The following OXSR1 variants were observed in gnomAD, a reference collection of about 807,000 sequenced individuals.
The protein encoded by OXSR1 is oxidative stress responsive kinase 1.
A neutral mutation model predicts 79.8 loss-of-function variants in OXSR1; 24 were observed. The observed-to-expected ratio is 0.30, with a 90% confidence interval of 0.22 to 0.42. The LOEUF (loss-of-function observed/expected upper bound fraction) is 0.42, where lower values mean the gene tolerates loss of function less well. Ranked by LOEUF, OXSR1 falls within the 10% of genes least tolerant of loss-of-function variation. The probability of loss-of-function intolerance (pLI) is 1.00; values close to 1 mark genes in which losing one functional copy is unlikely to be tolerated. For missense variants in OXSR1, 430 were observed against 618.4 expected (o/e 0.70, Z 3.23); for synonymous variants, 226 against 209.2 (o/e 1.08, Z -0.69).
chr3:38,180,944 A>T (rs765109633), intron 1 of OXSR1, among the ~76,000 whole-genome samples: 1 of 151,988 alleles, frequency 6.6e-6, no homozygotes, highest in African/African-American at 2.4e-5. Flanking sequence ...ACAATTTAGG[A>T]TAATCTTCCC....
intron 2 of OXSR1, among the ~76,000 whole-genome samples, chr3:38,185,026 C>A (rs542589339): frequency 3.5e-5 from 5 of 143,310 alleles, no homozygotes; most frequent in Non-Finnish European, 6.0e-5. Context: ...TCACTCTGAC[C>A]TCCGCCTCCC....
At chr3:38,223,963 T>G in intron 7 of OXSR1, 50 bp downstream of exon 7, 1 of 1,103,188 alleles carries the variant, frequency 9.1e-7, no homozygotes, top group Non-Finnish European at 1.3e-6. Context: ...CAATTCCTTT[T>G]CAGAGCCATT....
chr3:38,200,083 C>T (rs140743542), intron 4 of OXSR1, among the ~76,000 whole-genome samples: 54 of 152,242 alleles, frequency 3.5e-4, no homozygotes, highest in Non-Finnish European at 4.4e-4. Flanking sequence ...GTGGGCCTAC[C>T]GGCTGTACTG....
intron 1 of OXSR1, among the ~76,000 whole-genome samples, chr3:38,170,938 G>A (rs961081229): frequency 2.6e-4 from 40 of 152,150 alleles, no homozygotes; most frequent in South Asian, 4.2e-4. Context: ...CACCATGCCC[G>A]CCTCATTGTT....
At chr3:38,172,924 G>A (rs1701609693) in intron 1 of OXSR1, among the ~76,000 whole-genome samples, 1 of 152,168 alleles carries the variant, frequency 6.6e-6, no homozygotes, top group Non-Finnish European at 1.5e-5. Flanking sequence ...TTTTTCATGC[G>A]ACCACACTTA....
chr3:38,242,911 GT>G (rs1703064390), intron 12 of OXSR1, 133 bp downstream of exon 12: 1 of 458,654 alleles, frequency 2.2e-6, no homozygotes, highest in African/African-American at 2.0e-5. Context: ...AATTTTAAAA[GT>G]TGGCGTAAGG....
chr3:38,185,307 A>G (rs1701863583), intron 2 of OXSR1, among the ~76,000 whole-genome samples: 1 of 152,218 alleles, frequency 6.6e-6, no homozygotes, highest in Admixed American at 6.5e-5. Context: ...GCACAGGGCC[A>G]GGCACAGTGG....
chr3:38,202,550 C>G (rs1336895169), intron 4 of OXSR1, among the ~76,000 whole-genome samples: 2 of 151,550 alleles, frequency 1.3e-5, no homozygotes, highest in South Asian at 4.2e-4. Context: ...TGGTTGTGGG[C>G]GAAAGATTAC....
At position 38,170,937 on chromosome 3, in the gene OXSR1, C is replaced by T. The variant is rs191120539; in HGVS notation, c.70+4991C>T. On this transcript the variant is annotated intron_variant, in intron 1 of 17. Coordinates refer to ENST00000311806, the MANE Select transcript of OXSR1 (RefSeq NM_005109.3). The stretch of plus-strand genomic sequence containing the variant: ...GACTACAGGCATGTGCCACCATGCC[C>T]GCCTCATTGTTTTATTTTTTTGTAG... Among the ~76,000 whole-genome samples, 687 of 152,162 alleles carry T rather than the reference C, an allele frequency of 4.5e-3. 3 individuals are homozygous for T. Among genetic ancestry groups the T allele is most frequent in the Non-Finnish European group, 6.8e-3 (465 of 68,000 alleles).
In OXSR1 at chr3:38,254,755, T is replaced by A. The variant is rs1015837528; in HGVS notation, c.*1864T>A. 1.3e-5 allele frequency: 2 copies of A among 152,250 alleles called. No homozygotes were observed. The highest frequency in any genetic ancestry group is 4.8e-5 in the African/African-American group (2 of 41,354). 9.4% of individuals were successfully genotyped at this position (152,250 alleles called of 1,614,324 possible). A position where few individuals can be genotyped will look rare whatever the true frequency, so the allele number is the denominator to read the frequency against. ...TCAAACCCATCAAAATCTACTTATTTATGAATCCAAGGGGTGGCAGCATCA... is the reference window on the plus strand; with the variant it reads ...TCAAACCCATCAAAATCTACTTATTAATGAATCCAAGGGGTGGCAGCATCA... On this transcript the variant is annotated 3_prime_UTR_variant, in exon 18 of 18. Transcript: ENST00000311806.
intron 4 of OXSR1, among the ~76,000 whole-genome samples, chr3:38,214,072 G>C (rs1249794290): frequency 6.6e-6 from 1 of 151,900 alleles, no homozygotes; most frequent in Non-Finnish European, 1.5e-5. Flanking sequence ...TTATAACCCC[G>C]ACGTTTGGAA....
Position 38,181,380 on chromosome 3 carries a change from G to C in OXSR1, c.71-1623G>C, listed in dbSNP as rs566950472. Among the ~76,000 whole-genome samples the C allele has an allele frequency of 4.8e-4, 64 of 133,560 alleles. 2 individuals are homozygous for C. The South Asian group carries it at 0.015, about 30-fold the overall frequency. 87.6% of individuals were successfully genotyped at this position (133,560 alleles called of 152,430 possible). A position where few individuals can be genotyped will look rare whatever the true frequency, so the allele number is the denominator to read the frequency against. ...TTTTTTTTTTTTTTTTTTTGAGACA[G>C]AGTCTCACTCTGTCACCCAGGCTGG... On this transcript the variant is annotated intron_variant, in intron 1 of 17. Coordinates refer to ENST00000311806, the MANE Select transcript of OXSR1 (RefSeq NM_005109.3).
At chr3:38,221,122 GA>G (rs1702579425) in intron 5 of OXSR1, among the ~76,000 whole-genome samples, 1 of 152,096 alleles carries the variant, frequency 6.6e-6, no homozygotes, top group African/African-American at 2.4e-5. Context: ...AGGAGTTTCT[GA>G]ACTGAAAGGG....
chr3:38,255,325 T>C lies in OXSR1; in HGVS notation c.*2434T>C, dbSNP rs1283441885. 6.6e-6 allele frequency: 1 copy of C among 152,670 alleles called. No individual in the cohort carries two copies. Among genetic ancestry groups the C allele is most frequent in the African/African-American group, 2.4e-5 (1 of 41,462 alleles). 9.5% of individuals were successfully genotyped at this position (152,670 alleles called of 1,614,324 possible). On this transcript the variant is annotated 3_prime_UTR_variant, in exon 18 of 18. Transcript: ENST00000311806. ...AGCCAGCTGATAATATTTAATAATCTGGAGGAGAGAATAATGATGTACCAA... is the reference window on the plus strand; with the variant it reads ...AGCCAGCTGATAATATTTAATAATCCGGAGGAGAGAATAATGATGTACCAA...
intron 6 of OXSR1, 119 bp from the exon 7 acceptor site, chr3:38,223,693 G>A (rs916367416): frequency 1.3e-5 from 7 of 546,722 alleles, no homozygotes; most frequent in African/African-American, 5.9e-5. Flanking sequence ...CAGGTGATTC[G>A]CCTGCCTCAG....
At chr3:38,167,891 GTTTT>G (rs10707866) in intron 1 of OXSR1, among the ~76,000 whole-genome samples, 1 of 143,944 alleles carries the variant, frequency 6.9e-6, no homozygotes, top group Non-Finnish European at 1.5e-5. Flanking sequence ...TAAAAGAAGA[GTTTT>G]TTTTTTTTTT....
rs532972804 is a variant in OXSR1 at position 38,212,017 on chromosome 3, A to T, written c.435-4079A>T. Among the ~76,000 whole-genome samples, 3 of 152,344 alleles carry T rather than the reference A, an allele frequency of 2.0e-5. No individual in the cohort carries two copies. The South Asian group carries it at 6.2e-4, about 32-fold the overall frequency. On this transcript the variant is annotated intron_variant, in intron 4 of 17. Coordinates refer to ENST00000311806, the MANE Select transcript of OXSR1 (RefSeq NM_005109.3). ...ATCGTAGACTTTCAGCCTGGGCTGC[A>T]TATTGGAATATGGGAAGCTTTAAGA...
Position 38,254,126 on chromosome 3 carries a change from C to G in OXSR1, c.*1235C>G. The G allele has an allele frequency of 2.5e-6, 1 of 398,646 alleles. No individual in the cohort carries two copies. The highest frequency in any genetic ancestry group is 2.1e-5 in the African/African-American group (1 of 48,716). 24.7% of individuals were successfully genotyped at this position (398,646 alleles called of 1,614,324 possible). On this transcript the variant is annotated 3_prime_UTR_variant, in exon 18 of 18. Transcript: ENST00000311806. ...CTTTGTCTAACTGCTAGTAACCCTA[C>G]CGAGTTTTATATATGAGTGGGATAC...
At chr3:38,166,737 C>T (rs1286924987) in intron 1 of OXSR1, among the ~76,000 whole-genome samples, 3 of 142,382 alleles carry the variant, frequency 2.1e-5, no homozygotes, top group Middle Eastern at 3.6e-3. Context: ...TTGCAGTGAG[C>T]TGAGATCGCG....
Sources: gnomAD v4.1 joint callset for allele counts (sites outside exome capture counted in the v4.1 genomes callset) on GRCh38, gnomAD v4.1.1 for gene constraint, MANE v1.5 for transcripts, NCBI Gene and HGNC (gene_info 2026-07-23, HGNC 2026-07-21) for gene names.